The following SHISA6 variants were observed in gnomAD, a reference collection of about 807,000 sequenced individuals.
SHISA6 encodes shisa family member 6, also known as protein shisa-6.
A neutral mutation model predicts 47.9 loss-of-function variants in SHISA6; 22 were observed. The ratio of observed to expected loss-of-function variants is 0.46; its 90% confidence interval spans 0.33 to 0.66. The LOEUF is 0.66. Ranked by LOEUF, SHISA6 falls within the 30% of genes least tolerant of loss-of-function variation. SHISA6 has a pLI of 0.02. For missense variants in SHISA6, 680 were observed against 764.6 expected (o/e 0.89, Z 1.30); for synonymous variants, 388 against 337.8 (o/e 1.15, Z -1.63).
intron 3 of SHISA6, 123 bp from the exon 4 acceptor site, chr17:11,551,773 T>G (rs1362130065): frequency 1.2e-6 from 1 of 823,864 alleles, no homozygotes; most frequent in Non-Finnish European, 1.9e-6. Context: ...ACCTCTGCCT[T>G]TCTTAGAAGT....
At chr17:11,371,402 C>T (rs1005490895) in intron 2 of SHISA6, among the ~76,000 whole-genome samples, 1 of 152,114 alleles carries the variant, frequency 6.6e-6, no homozygotes, top group Non-Finnish European at 1.5e-5. Context: ...TCTTTATGGC[C>T]TGAGGTCAGC....
intron 4 of SHISA6, among the ~76,000 whole-genome samples, chr17:11,554,721 A>G (rs987872256): frequency 6.6e-6 from 1 of 151,946 alleles, no homozygotes; most frequent in African/African-American, 2.4e-5. Context: ...CCACTCATTG[A>G]CTTGTTGTGG....
At chr17:11,242,836 C>T (rs984858161) in intron 1 of SHISA6, among the ~76,000 whole-genome samples, 12 of 152,174 alleles carry the variant, frequency 7.9e-5, no homozygotes, top group African/African-American at 2.9e-4. Flanking sequence ...TCCCTGGTTG[C>T]ACGCTGAATG....
intron 3 of SHISA6, among the ~76,000 whole-genome samples, chr17:11,449,482 A>G (rs1279370020): frequency 6.6e-6 from 1 of 152,108 alleles, no homozygotes; most frequent in African/African-American, 2.4e-5. Flanking sequence ...AAAAAAATTG[A>G]GGCTTGGAAG....
At chr17:11,290,659 TTCTC>T (rs948755925) in intron 2 of SHISA6, 1 of 152,048 alleles carries the variant, frequency 6.6e-6, no homozygotes, top group Non-Finnish European at 1.5e-5. Context: ...CTCAAATATT[TTCTC>T]TCTCTATATA....
intron 3 of SHISA6, among the ~76,000 whole-genome samples, chr17:11,405,959 A>C (rs1419128052): frequency 2.6e-5 from 4 of 152,210 alleles, no homozygotes; most frequent in Non-Finnish European, 5.9e-5. Flanking sequence ...GCTGCACTGC[A>C]TATGTTTTTC....
intron 5 of SHISA6, among the ~76,000 whole-genome samples, chr17:11,557,127 T>C (rs1237480293): frequency 2.6e-5 from 4 of 152,322 alleles, no homozygotes; most frequent in Middle Eastern, 3.4e-3. Flanking sequence ...GGCCCATGTA[T>C]TGGCTTTCTA....
chr17:11,449,907 C>T (rs1021270579), intron 3 of SHISA6, among the ~76,000 whole-genome samples: 5 of 152,162 alleles, frequency 3.3e-5, no homozygotes, highest in Non-Finnish European at 5.9e-5. Context: ...TTCTTTGAGA[C>T]GGAGTCTCGC....
At chr17:11,430,411 G>A (rs1914721366) in intron 3 of SHISA6, among the ~76,000 whole-genome samples, 3 of 152,180 alleles carry the variant, frequency 2.0e-5, no homozygotes, top group Admixed American at 2.0e-4. Flanking sequence ...GAGTCTCTGA[G>A]GGACTATGAT....
In SHISA6 at chr17:11,490,129, T is replaced by A. The variant is rs182800954; in HGVS notation, c.896-61767T>A. On this transcript the variant is annotated intron_variant, in intron 3 of 5. Coordinates refer to ENST00000441885, the MANE Select transcript of SHISA6 (RefSeq NM_207386.4). ...AGAAGGACATCCCTTCTTGCCAGCC[T>A]CTCCAGGTCTTCCCATGACCAGAGG... Among the ~76,000 whole-genome samples the A allele has an allele frequency of 2.0e-4, 30 of 152,236 alleles. No homozygotes were observed. The East Asian group carries it at 5.6e-3, about 29-fold the overall frequency.
chr17:11,439,847 G>A (rs751596436), intron 3 of SHISA6, among the ~76,000 whole-genome samples: 7 of 152,038 alleles, frequency 4.6e-5, no homozygotes, highest in East Asian at 1.9e-4. Flanking sequence ...AGAGTTTTAC[G>A]GTCTTGATGA....
At chr17:11,374,097 G>A (rs1912711028) in intron 2 of SHISA6, among the ~76,000 whole-genome samples, 2 of 152,190 alleles carry the variant, frequency 1.3e-5, no homozygotes, top group African/African-American at 2.4e-5. Context: ...TATTGAGTGT[G>A]AAGTGATACC....
chr17:11,397,119 T>G (rs957983401), intron 3 of SHISA6, among the ~76,000 whole-genome samples: 2 of 152,154 alleles, frequency 1.3e-5, no homozygotes, highest in African/African-American at 4.8e-5. Context: ...AAATGTTGAC[T>G]TTTAGGTAGA....
At chr17:11,349,932 A>G (rs1168049196) in intron 2 of SHISA6, among the ~76,000 whole-genome samples, 1 of 152,130 alleles carries the variant, frequency 6.6e-6, no homozygotes, top group East Asian at 1.9e-4. Flanking sequence ...TTAAGGGGAA[A>G]TGCAAGACCC....
At chr17:11,531,746 G>A (rs369401308) in intron 3 of SHISA6, among the ~76,000 whole-genome samples, 2 of 152,258 alleles carry the variant, frequency 1.3e-5, no homozygotes, top group African/African-American at 2.4e-5. Flanking sequence ...TAGACGGGAG[G>A]AATAAGCTTT....
intron 2 of SHISA6, among the ~76,000 whole-genome samples, chr17:11,291,012 T>TTATTAATAATTTAATAATTC (rs1909518250): frequency 6.6e-6 from 1 of 150,674 alleles, no homozygotes; most frequent in Non-Finnish European, 1.5e-5. Flanking sequence ...TTTAATAATT[T>TTATTAATAATTTAATAATTC]ATTAATAATT....
At chr17:11,355,624 A>G (rs1357189994) in intron 2 of SHISA6, among the ~76,000 whole-genome samples, 1 of 152,170 alleles carries the variant, frequency 6.6e-6, no homozygotes, top group Non-Finnish European at 1.5e-5. Flanking sequence ...TCAAATAAAG[A>G]TAAAACACAC....
At chr17:11,394,573 C>T (rs941728985) in intron 3 of SHISA6, among the ~76,000 whole-genome samples, 3 of 152,152 alleles carry the variant, frequency 2.0e-5, no homozygotes, top group Admixed American at 2.0e-4. Context: ...GATATCTACA[C>T]CTACAGCTTT....
chr17:11,311,258 G>A lies in SHISA6; in HGVS notation c.799+47732G>A, dbSNP rs532851716. 1.5e-3 allele frequency among the ~76,000 whole-genome samples: 227 copies of A among 148,712 alleles called. 5 individuals carry two copies. The highest frequency in any genetic ancestry group is 2.5e-4 in the Non-Finnish European group (17 of 67,386). ...TATCGCACCACTGCACTCTAGCCTG[G>A]GAGGCAGAGCAAGACTTCGTCAAAA... On this transcript the variant is annotated intron_variant, in intron 2 of 5. Transcript: ENST00000441885.
Sources: allele counts gnomAD v4.1 joint callset (sites outside exome capture counted in the v4.1 genomes callset), GRCh38; gene constraint gnomAD v4.1.1; transcripts MANE v1.5; gene names NCBI Gene and HGNC (gene_info 2026-07-23, HGNC 2026-07-21).